STAB2: variants seen among roughly 807,000 people sequenced by gnomAD.
STAB2 encodes stabilin-2.
A neutral mutation model predicts 338.1 loss-of-function variants in STAB2; 288 were observed. The observed-to-expected ratio is 0.85, with a 90% CI of 0.77 to 0.94. STAB2 has a LOEUF of 0.94. STAB2 is among the 40% of genes least tolerant of loss of function. The pLI is 0.00. For missense variants in STAB2, 3,141 were observed against 3,210.1 expected, an observed-to-expected ratio of 0.98 and a Z score of 0.52; for synonymous variants, 1,202 against 1,193.3, an observed-to-expected ratio of 1.01 and a Z score of -0.15.
At chr12:103,660,274 A>C (rs145915437) in intron 15 of STAB2, 57 bp from the exon 16 acceptor site, 1 of 1,491,940 alleles carries the variant, frequency 6.7e-7, no homozygotes, top group African/African-American at 1.4e-5. Context: ...GGATTCCACA[A>C]GAGTGGAAGT....
chr12:103,737,552 A>G, intron 52 of STAB2, 82 bp from the exon 53 acceptor site: 1 of 1,432,296 alleles, frequency 7.0e-7, no homozygotes, highest in Non-Finnish European at 9.3e-7. Context: ...GAAAGAAGAG[A>G]TGTGTGAAAG....
intron 3 of STAB2, among the ~76,000 whole-genome samples, chr12:103,605,014 G>A (rs1319812223): frequency 2.0e-5 from 3 of 151,700 alleles, no homozygotes; most frequent in Non-Finnish European, 4.4e-5. Context: ...TGCTTTAAGT[G>A]CATCTCATAA....
chr12:103,753,231 G>A lies in STAB2; in HGVS notation c.6592G>A (p.Gly2198Arg). The change falls in exon 61 of 69, where the codon GGG (glycine) becomes AGG (arginine). Residue 2198 changes from glycine to arginine, a missense_variant. Coordinates refer to ENST00000388887, the MANE Select transcript of STAB2 (RefSeq NM_017564.10). ...TCTTCCTCATCCAGATACCACTGTT[G>A]GGGTGTTCCATCTACGCTCCCCACT... is the stretch of plus-strand genomic sequence containing the variant. ...VDLHFQDTTVGVFHLRSPLGQ... is the reference protein window; with the variant it reads ...VDLHFQDTTVRVFHLRSPLGQ... 1 of 1,614,146 alleles carries A rather than the reference G, an allele frequency of 6.2e-7. No homozygotes were observed. The highest frequency in any genetic ancestry group is 8.5e-7 in the Non-Finnish European group (1 of 1,179,990).
At chr12:103,634,559 C>T (rs1957513946) in intron 6 of STAB2, among the ~76,000 whole-genome samples, 1 of 152,206 alleles carries the variant, frequency 6.6e-6, no homozygotes, top group African/African-American at 2.4e-5. Flanking sequence ...TTCTATTAAG[C>T]ATGTCACTTT....
At chr12:103,610,570 TTC>T (rs1360124277) in intron 3 of STAB2, among the ~76,000 whole-genome samples, 1 of 152,194 alleles carries the variant, frequency 6.6e-6, no homozygotes, top group African/African-American at 2.4e-5. Context: ...TATTTGATTC[TTC>T]TCTCTTTTCT....
intron 6 of STAB2, among the ~76,000 whole-genome samples, chr12:103,632,060 T>C (rs1957472231): frequency 6.6e-6 from 1 of 152,124 alleles, no homozygotes; most frequent in Non-Finnish European, 1.5e-5. Context: ...TTCTCAATTA[T>C]GAGCCTCAAA....
rs369002403 is a variant in STAB2 at position 103,731,679 on chromosome 12, A to C, written c.5283+44A>C. The C allele has an allele frequency of 1.4e-4, 222 of 1,581,870 alleles. No individual in the cohort carries two copies. In the African/African-American group the frequency reaches 2.7e-3, roughly 19 times the overall value. ...TTGACTCAGAGGATAACCTGCCTAAAGAAGTTTTGTTTTGTTTGTTTTGTT... is the reference window on the plus strand; with the variant it reads ...TTGACTCAGAGGATAACCTGCCTAACGAAGTTTTGTTTTGTTTGTTTTGTT... On this transcript the variant is annotated intron_variant, in intron 50 of 68. Coordinates refer to ENST00000388887, the MANE Select transcript of STAB2 (RefSeq NM_017564.10).
intron 67 of STAB2, among the ~76,000 whole-genome samples, chr12:103,762,804 G>A (rs909131965): frequency 6.6e-6 from 1 of 152,192 alleles, no homozygotes; most frequent in South Asian, 2.1e-4. Context: ...CAGGGCTAGG[G>A]ACCCTACACA....
At chr12:103,705,497 C>A in intron 36 of STAB2, 135 bp from the exon 37 acceptor site, 4 of 676,028 alleles carry the variant, frequency 5.9e-6, no homozygotes, top group Non-Finnish European at 5.0e-6. Context: ...AGAAGCAGTG[C>A]CAACAAGCCA....
At chr12:103,689,766 T>C (rs1877761076) in intron 28 of STAB2, 80 bp from the exon 29 acceptor site, 5 of 1,525,122 alleles carry the variant, frequency 3.3e-6, no homozygotes, top group South Asian at 1.3e-5. Flanking sequence ...TGGGAAATTG[T>C]CATCTCTTCC....
chr12:103,655,004 G>T, intron 13 of STAB2: 1 of 558,168 alleles, frequency 1.8e-6, no homozygotes, highest in Non-Finnish European at 3.1e-6. Flanking sequence ...GGCAGTTATT[G>T]CTGCAATAAA....
chr12:103,590,831 C>T (rs1956785196), intron 1 of STAB2, 66 bp from the exon 2 acceptor site: 3 of 1,590,894 alleles, frequency 1.9e-6, no homozygotes, highest in Non-Finnish European at 2.6e-6. Flanking sequence ...GAAGATTGGC[C>T]ATGCTAGATG....
intron 5 of STAB2, among the ~76,000 whole-genome samples, chr12:103,624,324 C>T (rs1957348418): frequency 6.6e-6 from 1 of 152,126 alleles, no homozygotes; most frequent in South Asian, 2.1e-4. Context: ...CTAGGTGAAT[C>T]AATGAATGAA....
chr12:103,720,790 C>G lies in STAB2; in HGVS notation c.4683+2949C>G, dbSNP rs531848601. 8.5e-5 allele frequency among the ~76,000 whole-genome samples: 13 copies of G among 152,296 alleles called. No homozygotes were observed. The East Asian group carries it at 2.5e-3, about 29-fold the overall frequency. ...TTATAAGCAACAGAAATTTATTTCTCACATTCTGGAGGCTGGGCAGTCCAA... is the reference window on the plus strand; with the variant it reads ...TTATAAGCAACAGAAATTTATTTCTGACATTCTGGAGGCTGGGCAGTCCAA... On this transcript the variant is annotated intron_variant, in intron 44 of 68. Coordinates refer to ENST00000388887, the MANE Select transcript of STAB2 (RefSeq NM_017564.10).
At chr12:103,663,644 T>C (rs528702283) in intron 18 of STAB2, among the ~76,000 whole-genome samples, 1 of 152,226 alleles carries the variant, frequency 6.6e-6, no homozygotes, top group South Asian at 2.1e-4. Flanking sequence ...CACTGTGTCC[T>C]ACCCACCTCT....
In STAB2 at chr12:103,726,157, G is replaced by A. The variant is rs147540847; in HGVS notation, c.4845G>A (p.Gln1615=). ...CGAAAACTTCCCAGTATTTCTTCCA[G>A]TTGCAGGTAGGAAATATACATGTCT... The part of the protein sequence containing the change: ...KNPKTSQYFF[Q]LQEHFVKDLV... Residue 1615 remains glutamine (Q), a synonymous_variant, in exon 46 of 69, where the codon CAG becomes CAA. Transcript: ENST00000388887. The A allele has an allele frequency of 1.0e-4, 162 of 1,613,960 alleles. No homozygotes were observed. In the Middle Eastern group the frequency reaches 3.3e-3, roughly 33 times the overall value.
In STAB2 at chr12:103,667,326, G is replaced by A. The variant is rs1188354553; in HGVS notation, c.2085+973G>A. 2.6e-5 allele frequency among the ~76,000 whole-genome samples: 4 copies of A among 152,242 alleles called. No homozygotes were observed. The South Asian group carries it at 8.3e-4, about 31-fold the overall frequency. On this transcript the variant is annotated intron_variant, in intron 19 of 68. Coordinates refer to ENST00000388887, the MANE Select transcript of STAB2 (RefSeq NM_017564.10). ...GGAAATTGTGTTGGCTGGTGTCACA[G>A]TGATTGCTGTGTGCCAGACATTGTT...
intron 3 of STAB2, among the ~76,000 whole-genome samples, chr12:103,610,096 T>A (rs1269075138): frequency 6.6e-6 from 1 of 151,980 alleles, no homozygotes; most frequent in Non-Finnish European, 1.5e-5. Flanking sequence ...TTCCAGTATT[T>A]TATTGAGGAT....
In STAB2 at chr12:103,761,384, C is replaced by T. The variant is rs148020291; in HGVS notation, c.7333C>T (p.Pro2445Ser). 5 of 1,613,870 alleles carry T rather than the reference C, an allele frequency of 3.1e-6. No individual in the cohort carries two copies. Among genetic ancestry groups the T allele is most frequent in the Non-Finnish European group, 4.2e-6 (5 of 1,179,982 alleles). ...SNGIIHVISRPLKAPPAPVTL... is the reference protein window; with the variant it reads ...SNGIIHVISRSLKAPPAPVTL... ...TGGGATCATTCATGTCATTTCCAGG[C>T]CTTTAAAAGCACCCCCTGCCCCCGT... The change falls in exon 66 of 69, where the codon CCT becomes TCT. Residue 2445 changes from proline to serine, a missense_variant. Pro to Ser is a moderately conservative substitution (Grantham distance 74). Coordinates refer to ENST00000388887, the MANE Select transcript of STAB2 (RefSeq NM_017564.10).
Sources: gnomAD v4.1 joint callset for allele counts (sites outside exome capture counted in the v4.1 genomes callset) on GRCh38, gnomAD v4.1.1 for gene constraint, MANE v1.5 for transcripts, NCBI Gene and HGNC (gene_info 2026-07-23, HGNC 2026-07-21) for gene names.